RLN2: variants seen among roughly 807,000 people sequenced by gnomAD.
RLN2 encodes the protein prorelaxin H2.
RLN2 carries 10 observed loss-of-function variants against 7.3 expected under a neutral mutation model. The ratio of observed to expected loss-of-function variants is 1.36; its 90% CI spans 0.84 to 2.31. The LOEUF is 2.31. Among genes scored for constraint, RLN2 ranks in the 30% most tolerant of loss-of-function variants. The probability of loss-of-function intolerance (pLI) is 0.00; values close to 1 mark genes in which losing one functional copy is unlikely to be tolerated. For synonymous variants in RLN2, 103 were observed against 82.3 expected (o/e 1.25, Z -1.36); for missense variants, 298 against 217.6 (o/e 1.37, Z -2.32).
chr9:5,300,363 AG>A lies in RLN2; in HGVS notation c.292del (p.Leu98Ter). The A allele has an allele frequency of 6.2e-7, 1 of 1,613,940 alleles. No homozygotes were observed. The highest frequency in any genetic ancestry group is 8.5e-7 in the Non-Finnish European group (1 of 1,179,888). The part of the protein sequence containing the change: ...SEFVANLPQE[L>X]KLTLSEMQPA... ...CTGCATCTCAGACAGGGTTAACTTC[AG>A]CTCCTGTGGCAAATTAGCAACAAAT... On this transcript the variant is annotated frameshift_variant, in exon 2 of 2. Coordinates refer to ENST00000381627, the MANE Select transcript of RLN2 (RefSeq NM_134441.3). LOFTEE classifies it low-confidence loss of function (END_TRUNC).
chr9:5,306,743 C>G (rs1222017576), upstream of RLN2, among the ~76,000 whole-genome samples: 1 of 152,014 alleles, frequency 6.6e-6, no homozygotes, highest in African/African-American at 2.4e-5. Flanking sequence ...TCCTTCATTT[C>G]CCTATATCCT....
chr9:5,339,251 G>A, the RLN2 span: 2 of 269,040 alleles, frequency 7.4e-6, no homozygotes, highest in Non-Finnish European at 1.3e-5. Flanking sequence ...CCGTCGCTCT[G>A]ACTGCCTTAC....
the RLN2 span, among the ~76,000 whole-genome samples, chr9:5,317,958 C>G: frequency 6.6e-6 from 1 of 150,978 alleles, no homozygotes; most frequent in East Asian, 1.9e-4. Flanking sequence ...TCGTACGACC[C>G]TTTTGGAAGA....
the RLN2 span, among the ~76,000 whole-genome samples, chr9:5,326,300 C>A: frequency 6.6e-6 from 1 of 152,002 alleles, no homozygotes; most frequent in East Asian, 1.9e-4. Flanking sequence ...AGCAGGAAAC[C>A]ATTAACTCTT....
upstream of RLN2, among the ~76,000 whole-genome samples, chr9:5,308,931 C>T (rs575086417): frequency 4.6e-5 from 7 of 152,236 alleles, no homozygotes; most frequent in East Asian, 3.9e-4. Context: ...CTGCCTCACA[C>T]GGCCCCTCTT....
At chr9:5,314,639 CT>C in the RLN2 span, among the ~76,000 whole-genome samples, 2 of 152,148 alleles carry the variant, frequency 1.3e-5, no homozygotes, top group Non-Finnish European at 2.9e-5. Flanking sequence ...TTTCCTGGAA[CT>C]GGACTAGCCC....
chr9:5,335,323 T>C, the RLN2 span: 2 of 1,611,988 alleles, frequency 1.2e-6, no homozygotes, highest in South Asian at 1.1e-5. Flanking sequence ...CCACGTAGGG[T>C]CGTCTCTTTT....
Position 5,304,427 on chromosome 9 carries a change from AGGTGCTCATGCCGC to A in RLN2, c.140_153del (p.Cys47LeufsTer16). 1 of 1,612,088 alleles carries A rather than the reference AGGTGCTCATGCCGC, an allele frequency of 6.2e-7. No homozygotes were observed. The highest frequency in any genetic ancestry group is 1.1e-5 in the South Asian group (1 of 90,942). ...TCCTGGCTCAGAGACCTTTTGCTCC[AGGTGCTCATGCCGC>A]AAATGGCAATCTGCGCGCGAACTAA... On this transcript the variant is annotated frameshift_variant, in exon 1 of 2. Transcript: ENST00000381627. LOFTEE classifies it high-confidence loss of function.
chr9:5,335,519 T>G, the RLN2 span: 1 of 1,613,254 alleles, frequency 6.2e-7, no homozygotes, highest in Non-Finnish European at 8.5e-7. Flanking sequence ...TGCCTTCAGC[T>G]CCGGTGGCAA....
At chr9:5,318,145 T>A in the RLN2 span, among the ~76,000 whole-genome samples, 1 of 152,052 alleles carries the variant, frequency 6.6e-6, no homozygotes, top group East Asian at 1.9e-4. Context: ...GTACTGGGAT[T>A]TACAGGCATG....
the RLN2 span, among the ~76,000 whole-genome samples, chr9:5,331,657 G>A: frequency 6.7e-6 from 1 of 150,138 alleles, no homozygotes. Flanking sequence ...TCACACACAG[G>A]GGCATCTAGG....
At chr9:5,323,947 C>G in the RLN2 span, among the ~76,000 whole-genome samples, 19 of 151,946 alleles carry the variant, frequency 1.3e-4, no homozygotes, top group East Asian at 3.5e-3. Context: ...ACCCAGGAGG[C>G]TGAGGAAGGA....
At chr9:5,302,381 A>G (rs1816166365) in intron 1 of RLN2, among the ~76,000 whole-genome samples, 1 of 152,216 alleles carries the variant, frequency 6.6e-6, no homozygotes, top group African/African-American at 2.4e-5. Flanking sequence ...ATTTTAGCAC[A>G]TATTGTAGGA....
the RLN2 span, among the ~76,000 whole-genome samples, chr9:5,318,632 A>G: frequency 1.3e-5 from 2 of 152,106 alleles, no homozygotes; most frequent in South Asian, 2.1e-4. Context: ...AGAATTAACA[A>G]TCTTAATTTT....
the RLN2 span, among the ~76,000 whole-genome samples, chr9:5,336,412 T>A: frequency 0.27 from 41,646 of 151,808 alleles, 6,222 homozygotes; most frequent in East Asian, 0.4. Context: ...TTACACAGCA[T>A]CCCAGGCTGG....
At chr9:5,335,283 A>G in the RLN2 span, 3 of 1,597,494 alleles carry the variant, frequency 1.9e-6, no homozygotes. Context: ...CTTTTGGTAC[A>G]ACCAATTAGG....
the RLN2 span, among the ~76,000 whole-genome samples, chr9:5,310,711 A>C: frequency 6.6e-6 from 1 of 152,050 alleles, no homozygotes; most frequent in Non-Finnish European, 1.5e-5. Flanking sequence ...AAATAACACT[A>C]ACTTACTTCA....
chr9:5,309,551 C>T (rs957264513), upstream of RLN2, among the ~76,000 whole-genome samples: 11 of 152,010 alleles, frequency 7.2e-5, no homozygotes, highest in Admixed American at 3.9e-4. Flanking sequence ...CTTTGCCTTT[C>T]CCTGTCCCTC....
chr9:5,317,370 T>G, the RLN2 span, among the ~76,000 whole-genome samples: 1 of 151,350 alleles, frequency 6.6e-6, no homozygotes, highest in Non-Finnish European at 1.5e-5. Context: ...GAGAATTGCT[T>G]GAACCCAGGA....
Sources: allele counts gnomAD v4.1 joint callset (sites outside exome capture counted in the v4.1 genomes callset), GRCh38; gene constraint gnomAD v4.1.1; transcripts MANE v1.5; gene names NCBI Gene and HGNC (gene_info 2026-07-23, HGNC 2026-07-21).